The following MGAT4C variants were observed in gnomAD, a reference collection of about 807,000 sequenced individuals.
MGAT4C encodes the protein MGAT4 family member C, also known as alpha-1,3-mannosyl-glycoprotein 4-beta-N-acetylglucosaminyltransferase C.
A neutral mutation model predicts 40.1 loss-of-function variants in MGAT4C; 19 were observed. The observed-to-expected ratio is 0.47, with a 90% confidence interval of 0.33 to 0.70. MGAT4C has a LOEUF of 0.70. Ranked by LOEUF, MGAT4C falls within the 30% of genes least tolerant of loss-of-function variation. MGAT4C has a pLI of 0.02. For missense variants in MGAT4C, 491 were observed against 563.2 expected (o/e 0.87, Z 1.30); for synonymous variants, 181 against 187.1 (o/e 0.97, Z 0.27).
intron 2 of MGAT4C, among the ~76,000 whole-genome samples, chr12:86,537,158 G>C (rs1171873239): frequency 3.3e-5 from 5 of 151,972 alleles, no homozygotes; most frequent in Admixed American, 2.0e-4. Flanking sequence ...ACTCATAGGT[G>C]GGAATTGAAC....
At chr12:86,120,284 T>C (rs1282150288) in intron 1 of MGAT4C, among the ~76,000 whole-genome samples, 2 of 152,154 alleles carry the variant, frequency 1.3e-5, no homozygotes, top group Non-Finnish European at 2.9e-5. Context: ...GGCAGATTTT[T>C]CCTGCCTCTG....
At chr12:86,382,464 C>T (rs991935406) in intron 3 of MGAT4C, among the ~76,000 whole-genome samples, 1 of 152,234 alleles carries the variant, frequency 6.6e-6, no homozygotes, top group African/African-American at 2.4e-5. Flanking sequence ...AAATTTGCAG[C>T]CTGACAATGC....
chr12:86,609,502 T>C (rs1297007143), intron 2 of MGAT4C, among the ~76,000 whole-genome samples: 1 of 152,106 alleles, frequency 6.6e-6, no homozygotes, highest in Non-Finnish European at 1.5e-5. Context: ...TGATTGTAGA[T>C]CAGATAGGGT....
At chr12:86,431,529 AT>A (rs1957039329) in intron 3 of MGAT4C, among the ~76,000 whole-genome samples, 1 of 152,170 alleles carries the variant, frequency 6.6e-6, no homozygotes, top group African/African-American at 2.4e-5. Context: ...TTATTTTCCA[AT>A]AAACCCATTA....
intron 3 of MGAT4C, among the ~76,000 whole-genome samples, chr12:86,359,833 A>C (rs1488570653): frequency 2.6e-5 from 4 of 152,222 alleles, no homozygotes; most frequent in Non-Finnish European, 4.4e-5. Context: ...TTGAGGCCAT[A>C]ATTAATCACC....
At chr12:86,105,920 T>G (rs910494414) in intron 1 of MGAT4C, among the ~76,000 whole-genome samples, 8 of 152,202 alleles carry the variant, frequency 5.3e-5, no homozygotes, top group African/African-American at 1.9e-4. Flanking sequence ...ACATATTGAG[T>G]AAACTGCAGT....
intron 4 of MGAT4C, among the ~76,000 whole-genome samples, chr12:86,286,613 G>T (rs751700232): frequency 2.0e-5 from 3 of 152,042 alleles, no homozygotes; most frequent in Non-Finnish European, 4.4e-5. Flanking sequence ...TAGGTGCAGG[G>T]GAACATGTGC....
At chr12:86,113,906 G>A (rs1457147381) in intron 1 of MGAT4C, among the ~76,000 whole-genome samples, 1 of 151,870 alleles carries the variant, frequency 6.6e-6, no homozygotes, top group Non-Finnish European at 1.5e-5. Flanking sequence ...AAGACCTATA[G>A]TAAGTCTCAT....
chr12:86,618,210 C>A (rs953160905), intron 2 of MGAT4C, among the ~76,000 whole-genome samples: 8 of 151,638 alleles, frequency 5.3e-5, no homozygotes, highest in African/African-American at 1.9e-4. Context: ...AGAAAGAATT[C>A]TTATACACTG....
chr12:86,169,737 A>G (rs1480812033), intron 1 of MGAT4C, among the ~76,000 whole-genome samples: 2 of 152,140 alleles, frequency 1.3e-5, no homozygotes, highest in Non-Finnish European at 2.9e-5. Context: ...AATAATTCAG[A>G]TCAACCTCTT....
chr12:86,411,629 G>A (rs1431223233), intron 3 of MGAT4C, among the ~76,000 whole-genome samples: 1 of 152,134 alleles, frequency 6.6e-6, no homozygotes, highest in African/African-American at 2.4e-5. Context: ...TATTTAAAAG[G>A]GAAGCAGACT....
At chr12:86,301,234 A>G (rs1592669094) in intron 4 of MGAT4C, among the ~76,000 whole-genome samples, 1 of 152,280 alleles carries the variant, frequency 6.6e-6, no homozygotes, top group Middle Eastern at 3.4e-3. Context: ...TAACTGAAAG[A>G]GTCTTGTAAT....
chr12:86,786,308 A>AAATCTGTAGGTTTCTAACAAATGGTTG, intron 1 of MGAT4C, among the ~76,000 whole-genome samples: 1 of 152,140 alleles, frequency 6.6e-6, no homozygotes, highest in Admixed American at 6.6e-5. Flanking sequence ...AATCTGTTAG[A>AAATCTGTAGGTTTCTAACAAATGGTTG]AATCTGTAGG....
chr12:86,209,024 C>G (rs1950361725), intron 1 of MGAT4C, among the ~76,000 whole-genome samples: 1 of 152,070 alleles, frequency 6.6e-6, no homozygotes, highest in South Asian at 2.1e-4. Context: ...AAATATGACA[C>G]ATTTCTCCAA....
chr12:86,258,334 T>C (rs1323518444), upstream of MGAT4C, among the ~76,000 whole-genome samples: 1 of 146,882 alleles, frequency 6.8e-6, no homozygotes, highest in Non-Finnish European at 1.5e-5. Context: ...TATCTATCTA[T>C]CTACATTCAG....
intron 3 of MGAT4C, among the ~76,000 whole-genome samples, chr12:86,355,734 C>T (rs1955294852): frequency 6.6e-6 from 1 of 151,920 alleles, no homozygotes; most frequent in African/African-American, 2.4e-5. Context: ...TGTCATTACA[C>T]CTGCTTTTAA....
At chr12:86,642,527 T>C (rs1963421723) in intron 2 of MGAT4C, among the ~76,000 whole-genome samples, 1 of 151,762 alleles carries the variant, frequency 6.6e-6, no homozygotes, top group African/African-American at 2.4e-5. Context: ...GGCTTCAAGC[T>C]CCAGCATTTG....
At chr12:86,660,480 C>T (rs1229802783) in intron 2 of MGAT4C, among the ~76,000 whole-genome samples, 2 of 151,990 alleles carry the variant, frequency 1.3e-5, no homozygotes, top group Non-Finnish European at 2.9e-5. Context: ...TGGAAGTGTC[C>T]TCTGGGTAAT....
At chr12:86,425,568 G>A (rs1020291106) in intron 3 of MGAT4C, among the ~76,000 whole-genome samples, 3 of 152,094 alleles carry the variant, frequency 2.0e-5, no homozygotes, top group Admixed American at 2.0e-4. Context: ...TATCTTTATA[G>A]CAATGAAAAA....
Sources: allele counts gnomAD v4.1 joint callset (sites outside exome capture counted in the v4.1 genomes callset), GRCh38; gene constraint gnomAD v4.1.1; transcripts MANE v1.5; gene names NCBI Gene and HGNC (gene_info 2026-07-23, HGNC 2026-07-21).